Variants in NEBL observed in about 807,000 individuals in gnomAD.
NEBL encodes nebulette.
A neutral mutation model predicts 140.2 loss-of-function variants in NEBL; 122 were observed. The ratio of observed to expected loss-of-function variants is 0.87; its 90% CI spans 0.75 to 1.01. The LOEUF (loss-of-function observed/expected upper bound fraction) is 1.01, where lower values mean the gene tolerates loss of function less well. Among genes scored for constraint, NEBL ranks in the 50% least tolerant of loss-of-function variants. The pLI is 0.00. For synonymous variants in NEBL, 436 were observed against 398.9 expected (o/e 1.09, Z -1.11); for missense variants, 1,365 against 1,231.3 (o/e 1.11, Z -1.62).
upstream of NEBL, among the ~76,000 whole-genome samples, chr10:21,177,195 C>T (rs1292362828): frequency 1.3e-5 from 2 of 152,238 alleles, no homozygotes; most frequent in African/African-American, 2.4e-5. Flanking sequence ...GCTTCAAATG[C>T]GCTTGCATAG....
chr10:21,218,469 A>AT (rs151328522), intron 3 of NEBL, among the ~76,000 whole-genome samples: 43,067 of 152,022 alleles, frequency 0.28, 10,983 homozygotes, highest in African/African-American at 0.69. Flanking sequence ...ATAAGATAAA[A>AT]TTTTTTTATC....
chr10:21,127,016 G>A (rs1288259989), intron 2 of NEBL, among the ~76,000 whole-genome samples: 4 of 149,552 alleles, frequency 2.7e-5, no homozygotes, highest in Non-Finnish European at 5.9e-5. Flanking sequence ...GCCAAAGATG[G>A]GACAATATGA....
intron 20 of NEBL, 97 bp from the exon 21 acceptor site, chr10:20,817,789 C>A: frequency 1.0e-6 from 1 of 997,170 alleles, no homozygotes; most frequent in Non-Finnish European, 1.6e-6. Flanking sequence ...TCTTTTTACA[C>A]ATTTTTTTCC....
intron 1 of NEBL, among the ~76,000 whole-genome samples, chr10:21,287,024 A>C (rs978081327): frequency 2.0e-5 from 3 of 152,186 alleles, no homozygotes; most frequent in African/African-American, 4.8e-5. Flanking sequence ...CCAAGTAATC[A>C]GAATGAGAAT....
At chr10:20,898,890 T>G (rs183163622), upstream of NEBL, among the ~76,000 whole-genome samples, 3 of 152,212 alleles carry the variant, frequency 2.0e-5, no homozygotes, top group African/African-American at 7.2e-5. Flanking sequence ...CATTGCTCTA[T>G]TCTCCTAAAA....
At chr10:21,038,005 A>G (rs534149) in intron 2 of NEBL, among the ~76,000 whole-genome samples, 91,826 of 152,010 alleles carry the variant, frequency 0.6, 27,837 homozygotes, top group East Asian at 0.73. Flanking sequence ...TCAGAATCAA[A>G]AGTAGATTCT....
chr10:21,094,826 C>T (rs905757227), intron 2 of NEBL, among the ~76,000 whole-genome samples: 2 of 152,068 alleles, frequency 1.3e-5, no homozygotes, highest in South Asian at 2.1e-4. Flanking sequence ...TTAATTTCAC[C>T]GAACCAGATT....
intron 1 of NEBL, among the ~76,000 whole-genome samples, chr10:21,278,356 A>T (rs1400637736): frequency 6.6e-6 from 1 of 152,178 alleles, no homozygotes; most frequent in African/African-American, 2.4e-5. Flanking sequence ...AGGCAGGAGG[A>T]TCACTTGAGC....
chr10:21,262,392 G>A (rs563770875), intron 1 of NEBL, among the ~76,000 whole-genome samples: 5 of 152,284 alleles, frequency 3.3e-5, no homozygotes, highest in Non-Finnish European at 5.9e-5. Context: ...TGGCCCACTC[G>A]GCTAGGGGGA....
chr10:21,276,529 G>A (rs1842926895), intron 1 of NEBL, among the ~76,000 whole-genome samples: 1 of 152,084 alleles, frequency 6.6e-6, no homozygotes, highest in African/African-American at 2.4e-5. Context: ...TAGTTTGTTG[G>A]TCAAAACTGA....
intron 3 of NEBL, among the ~76,000 whole-genome samples, chr10:21,201,407 G>T (rs562559262): frequency 6.6e-6 from 1 of 152,266 alleles, no homozygotes; most frequent in South Asian, 2.1e-4. Context: ...TCTTTCCTAG[G>T]TGCATCAGAA....
intron 3 of NEBL, among the ~76,000 whole-genome samples, chr10:21,184,850 A>G (rs1162673193): frequency 6.6e-6 from 1 of 152,254 alleles, no homozygotes; most frequent in Non-Finnish European, 1.5e-5. Context: ...CTGAATGTGT[A>G]TAGAAAACAT....
chr10:20,861,192 T>C (rs912768222), intron 7 of NEBL, among the ~76,000 whole-genome samples: 31 of 152,176 alleles, frequency 2.0e-4, no homozygotes, highest in African/African-American at 7.0e-4. Context: ...CCCTTAAATA[T>C]ATAGTCTTAG....
At chr10:20,841,229 A>G in intron 12 of NEBL, 1 of 182,552 alleles carries the variant, frequency 5.5e-6, no homozygotes, top group Non-Finnish European at 1.2e-5. Context: ...ACATGGTTGC[A>G]AAAGAATGGA....
intron 4 of NEBL, among the ~76,000 whole-genome samples, chr10:20,881,211 G>A (rs1375748950): frequency 6.6e-6 from 1 of 152,170 alleles, no homozygotes; most frequent in African/African-American, 2.4e-5. Flanking sequence ...AGCTTTCTGG[G>A]ATATAGATGT....
At chr10:21,074,521 C>A (rs1270738326) in intron 2 of NEBL, among the ~76,000 whole-genome samples, 1 of 151,318 alleles carries the variant, frequency 6.6e-6, no homozygotes, top group Non-Finnish European at 1.5e-5. Flanking sequence ...GCTCTGTTGC[C>A]CAGGCTGGAG....
chr10:21,076,013 T>G (rs1433710771), intron 2 of NEBL, among the ~76,000 whole-genome samples: 1 of 152,134 alleles, frequency 6.6e-6, no homozygotes, highest in Non-Finnish European at 1.5e-5. Context: ...ATGGTCATGA[T>G]TTTAAAACAG....
intron 3 of NEBL, among the ~76,000 whole-genome samples, chr10:21,230,757 G>A (rs547166509): frequency 4.0e-5 from 6 of 151,750 alleles, no homozygotes; most frequent in South Asian, 4.2e-4. Flanking sequence ...GGCACCCACC[G>A]CCAAGCCCAG....
intron 2 of NEBL, among the ~76,000 whole-genome samples, chr10:21,099,937 A>C (rs1048302959): frequency 6.6e-6 from 1 of 152,194 alleles, no homozygotes; most frequent in South Asian, 2.1e-4. Flanking sequence ...TTGAACCCCT[A>C]TTTAGGTTTG....
Sources: allele counts gnomAD v4.1 joint callset (sites outside exome capture counted in the v4.1 genomes callset), GRCh38; gene constraint gnomAD v4.1.1; transcripts MANE v1.5; gene names NCBI Gene and HGNC (gene_info 2026-07-23, HGNC 2026-07-21).